The following CREB5 variants were observed in gnomAD, a reference collection of about 807,000 sequenced individuals.
CREB5 encodes cyclic AMP-responsive element-binding protein 5.
In CREB5, 19 loss-of-function variants were observed where a neutral mutation model predicts 57.1. The ratio of observed to expected loss-of-function variants is 0.33; its 90% CI spans 0.23 to 0.49. The LOEUF is 0.49. Among genes scored for constraint, CREB5 ranks in the 20% least tolerant of loss-of-function variants. The pLI is 0.99. For synonymous variants in CREB5, 238 were observed against 238.3 expected, an observed-to-expected ratio of 1.00 and a Z score of 0.01; for missense variants, 579 against 671.6, an observed-to-expected ratio of 0.86 and a Z score of 1.52.
At chr7:28,787,881 C>A (rs555721373) in intron 7 of CREB5, among the ~76,000 whole-genome samples, 2 of 152,312 alleles carry the variant, frequency 1.3e-5, no homozygotes, top group South Asian at 4.1e-4. Flanking sequence ...ACTCTGCTAT[C>A]ATCATTGCCA....
intron 5 of CREB5, among the ~76,000 whole-genome samples, chr7:28,628,824 G>GA (rs948137523): frequency 2.6e-5 from 4 of 152,198 alleles, no homozygotes; most frequent in African/African-American, 9.7e-5. Flanking sequence ...TAGTTGAGAA[G>GA]AAGAAAGAAC....
At chr7:28,519,025 T>A (rs1793094363) in intron 4 of CREB5, among the ~76,000 whole-genome samples, 1 of 152,188 alleles carries the variant, frequency 6.6e-6, no homozygotes, top group African/African-American at 2.4e-5. Flanking sequence ...GATTCATACA[T>A]CACTAGAGCA....
Position 28,303,913 on chromosome 7 carries a change from GGAATAAAATAAATATAGTTTTA to G in CREB5, c.-25+4481_-25+4502del, listed in dbSNP as rs550309923. Among the ~76,000 whole-genome samples the G allele has an allele frequency of 1.6e-4, 25 of 152,098 alleles. No homozygotes were observed. The South Asian group carries it at 5.0e-3, about 30-fold the overall frequency. On this transcript the variant is annotated intron_variant, in intron 1 of 9. Coordinates refer to the CREB5 transcript ENST00000396299. Reference sequence around the variant, plus strand: ...TTTAATTTACATTGGCAGTAAAAGTGGAATAAAATAAATATAGTTTTAGAATAAAAATCAGGCAACCTTGCTA... The same window carrying G: ...TTTAATTTACATTGGCAGTAAAAGTGGAATAAAAATCAGGCAACCTTGCTA...
chr7:28,560,927 T>C lies in CREB5; in HGVS notation c.292-9438T>C, dbSNP rs13245591. 1.2e-3 allele frequency among the ~76,000 whole-genome samples: 70 copies of C among 57,512 alleles called. 2 individuals are homozygous for C. The highest frequency in any genetic ancestry group is 7.6e-3 in the Middle Eastern group (1 of 132). The allele number at this position is 57,512 out of a possible 152,430, so 37.7% of individuals were successfully genotyped here. On this transcript the variant is annotated intron_variant, in intron 4 of 10. Transcript: ENST00000357727. ...GCGCGTGCGTGTGCGTGTGTGCGCGTGCGTGTGTGCGTGCGTGTGTGTGCG... is the reference window on the plus strand; with the variant it reads ...GCGCGTGCGTGTGCGTGTGTGCGCGCGCGTGTGTGCGTGCGTGTGTGTGCG...
intron 7 of CREB5, among the ~76,000 whole-genome samples, chr7:28,801,165 G>A (rs1378278254): frequency 1.3e-5 from 2 of 152,198 alleles, no homozygotes; most frequent in African/African-American, 4.8e-5. Context: ...AAAACAGCTT[G>A]ATTTTGTGCA....
At chr7:28,499,423 C>CGTGT in intron 3 of CREB5, among the ~76,000 whole-genome samples, 2 of 151,550 alleles carry the variant, frequency 1.3e-5, no homozygotes, top group South Asian at 4.2e-4. Flanking sequence ...TGTGCTCACA[C>CGTGT]GTGTGTGTGT....
intron 1 of CREB5, among the ~76,000 whole-genome samples, chr7:28,448,816 A>G (rs1447500226): frequency 6.6e-6 from 1 of 152,224 alleles, no homozygotes; most frequent in African/African-American, 2.4e-5. Flanking sequence ...GATTTAGTCT[A>G]ACCTTTTCAT....
intron 9 of CREB5, among the ~76,000 whole-genome samples, chr7:28,813,959 A>ATATT (rs1385742135): frequency 6.6e-6 from 1 of 152,226 alleles, no homozygotes; most frequent in Non-Finnish European, 1.5e-5. Context: ...AAATACTTTT[A>ATATT]TATTAAGACC....
chr7:28,551,873 T>C (rs1389740467), intron 4 of CREB5, among the ~76,000 whole-genome samples: 2 of 108,286 alleles, frequency 1.8e-5, no homozygotes, highest in Non-Finnish European at 4.1e-5. Flanking sequence ...TCTTTCTTTT[T>C]CTTTCTTTCT....
intron 5 of CREB5, among the ~76,000 whole-genome samples, chr7:28,673,221 T>C (rs41343): frequency 0.11 from 16,767 of 152,252 alleles, 3,101 homozygotes; most frequent in African/African-American, 0.38. Context: ...ATCTTCCATT[T>C]GTTTGTATAC....
chr7:28,514,335 A>C (rs1322054645), intron 4 of CREB5, among the ~76,000 whole-genome samples: 1 of 152,096 alleles, frequency 6.6e-6, no homozygotes, highest in East Asian at 1.9e-4. Context: ...GGCAGCTTTC[A>C]TTGTTCTCTG....
At chr7:28,437,156 C>T (rs1222430456) in intron 1 of CREB5, among the ~76,000 whole-genome samples, 3 of 152,290 alleles carry the variant, frequency 2.0e-5, no homozygotes, top group South Asian at 4.1e-4. Flanking sequence ...AAGGACTTCA[C>T]ACTACTGTTT....
At chr7:28,555,446 G>A (rs540440861) in intron 4 of CREB5, among the ~76,000 whole-genome samples, 362 of 152,270 alleles carry the variant, frequency 2.4e-3, no homozygotes, top group Non-Finnish European at 3.5e-3. Flanking sequence ...TTAAAAAGGC[G>A]TTTTGTACTG....
At chr7:28,589,396 T>C (rs1796413595) in intron 5 of CREB5, among the ~76,000 whole-genome samples, 1 of 151,958 alleles carries the variant, frequency 6.6e-6, no homozygotes, top group South Asian at 2.1e-4. Flanking sequence ...CTACTAAAAA[T>C]ATAAAAAATT....
At chr7:28,443,907 A>G (rs1403765869) in intron 1 of CREB5, among the ~76,000 whole-genome samples, 6 of 152,230 alleles carry the variant, frequency 3.9e-5, no homozygotes, top group Admixed American at 3.9e-4. Context: ...GAGATGTGGA[A>G]GCGGTATTGG....
intron 5 of CREB5, among the ~76,000 whole-genome samples, chr7:28,654,283 T>A (rs1583485753): frequency 6.6e-6 from 1 of 152,132 alleles, no homozygotes; most frequent in African/African-American, 2.4e-5. Context: ...TACTGAGGAG[T>A]TCTGCTGACA....
At chr7:28,472,987 A>G (rs543051514) in intron 1 of CREB5, among the ~76,000 whole-genome samples, 1 of 152,188 alleles carries the variant, frequency 6.6e-6, no homozygotes, top group South Asian at 2.1e-4. Flanking sequence ...TCCCCTGCTT[A>G]GTCTTCAAAC....
At chr7:28,413,654 A>G (rs961930392) in intron 1 of CREB5, among the ~76,000 whole-genome samples, 9 of 152,162 alleles carry the variant, frequency 5.9e-5, no homozygotes, top group Non-Finnish European at 1.2e-4. Context: ...GTGACCTTAT[A>G]TAGTTGATAC....
At chr7:28,514,128 A>AT (rs898662481) in intron 4 of CREB5, among the ~76,000 whole-genome samples, 1 of 152,150 alleles carries the variant, frequency 6.6e-6, no homozygotes, top group African/African-American at 2.4e-5. Context: ...GGTTATTTGG[A>AT]TCTTAATTGA....
Sources: allele counts gnomAD v4.1 joint callset (sites outside exome capture counted in the v4.1 genomes callset), GRCh38; gene constraint gnomAD v4.1.1; transcripts MANE v1.5; gene names NCBI Gene and HGNC (gene_info 2026-07-23, HGNC 2026-07-21).